Variants in RUSC2 observed in about 807,000 individuals in gnomAD.
RUSC2 encodes the protein RUN and SH3 domain containing 2.
RUSC2 carries 34 observed loss-of-function variants against 122.2 expected under a neutral mutation model. The observed-to-expected ratio is 0.28, with a 90% confidence interval of 0.21 to 0.37. The LOEUF (loss-of-function observed/expected upper bound fraction) is 0.37, where lower values mean the gene tolerates loss of function less well. Among genes scored for constraint, RUSC2 ranks in the 10% least tolerant of loss-of-function variants. The pLI is 1.00. For synonymous variants in RUSC2, 784 were observed against 790.0 expected, an observed-to-expected ratio of 0.99 and a Z score of 0.13; for missense variants, 1,747 against 1,952.4, an observed-to-expected ratio of 0.89 and a Z score of 1.98.
intron 2 of RUSC2, 74 bp from the exon 3 acceptor site, chr9:35,554,986 C>A: frequency 6.4e-7 from 1 of 1,566,162 alleles, no homozygotes; most frequent in Non-Finnish European, 8.7e-7. Flanking sequence ...CCTCTCCCAT[C>A]TCTGCTTCTG....
intron 2 of RUSC2, among the ~76,000 whole-genome samples, chr9:35,549,925 AATTGGGCTGG>A: frequency 6.6e-6 from 1 of 150,638 alleles, no homozygotes; most frequent in East Asian, 1.9e-4. Flanking sequence ...AAAAAAAAGT[AATTGGGCTGG>A]GCACAGTGGC....
Position 35,547,789 on chromosome 9 carries a change from A to C in RUSC2, c.1268A>C (p.Glu423Ala), listed in dbSNP as rs3750428. 6 of 1,614,072 alleles carry C rather than the reference A, an allele frequency of 3.7e-6. No individual in the cohort carries two copies. The East Asian group carries it at 8.9e-5, about 24-fold the overall frequency. ...AGSSITSCSE[E>A]HTKISPPPGP... ...TCTTCCATCACTAGCTGCTCTGAGG[A>C]ACACACCAAGATAAGTCCCCCACCA... Residue 423 changes from glutamate to alanine, a missense_variant, in exon 2 of 12, where the codon GAA (glutamate) becomes GCA (alanine). Transcript: ENST00000361226. The surrounding 1 kb of genome is among the most constrained non-coding windows in gnomAD (Gnocchi z 4.6).
intron 1 of RUSC2, among the ~76,000 whole-genome samples, chr9:35,503,966 G>A (rs1022871187): frequency 9.2e-5 from 14 of 152,044 alleles, no homozygotes; most frequent in African/African-American, 2.9e-4. Flanking sequence ...GTAGAGACAG[G>A]GTTTTACCAT....
intron 1 of RUSC2, among the ~76,000 whole-genome samples, chr9:35,529,299 A>C (rs548564389): frequency 6.6e-6 from 1 of 152,130 alleles, no homozygotes; most frequent in Non-Finnish European, 1.5e-5. Flanking sequence ...TGCCATGAGG[A>C]GTGCTGGGAA....
At position 35,557,669 on chromosome 9, in the gene RUSC2, A is replaced by G. The variant is rs543901895; in HGVS notation, c.2984-245A>G. Among the ~76,000 whole-genome samples the G allele has an allele frequency of 6.6e-5, 10 of 152,312 alleles. No individual in the cohort carries two copies. Among genetic ancestry groups the G allele is most frequent in the African/African-American group, 2.2e-4 (9 of 41,564 alleles). ...GGAATAAGGGCTGAGAGGTAAGGAC[A>G]TTGAGAGGCTTGACAGTGGCATCAC... On this transcript the variant is annotated intron_variant, in intron 5 of 11. Transcript: ENST00000361226. The surrounding 1 kb of genome is among the most constrained non-coding windows in gnomAD (Gnocchi z 4.6).
intron 1 of RUSC2, among the ~76,000 whole-genome samples, chr9:35,518,427 A>G (rs998314202): frequency 1.3e-5 from 2 of 152,056 alleles, no homozygotes; most frequent in African/African-American, 2.4e-5. Context: ...GTCTACATCT[A>G]TTTACATCAG....
intron 1 of RUSC2, among the ~76,000 whole-genome samples, chr9:35,512,557 G>A (rs147921763): frequency 0.015 from 2,349 of 152,232 alleles, 75 homozygotes; most frequent in Admixed American, 0.074. Context: ...TGTTTCATGA[G>A]GTCCAGGCTT....
At chr9:35,524,709 C>T (rs553220386) in intron 1 of RUSC2, among the ~76,000 whole-genome samples, 2 of 152,028 alleles carry the variant, frequency 1.3e-5, no homozygotes, top group African/African-American at 2.4e-5. Context: ...CAGTGGCTCA[C>T]GCCTGTAATC....
chr9:35,535,693 C>T (rs1418803029), intron 1 of RUSC2, among the ~76,000 whole-genome samples: 2 of 151,994 alleles, frequency 1.3e-5, no homozygotes, highest in East Asian at 1.9e-4. Flanking sequence ...CGTCCACCAC[C>T]ACGCCCGGCT....
At chr9:35,496,082 G>T (rs1783727135) in intron 1 of RUSC2, among the ~76,000 whole-genome samples, 1 of 152,142 alleles carries the variant, frequency 6.6e-6, no homozygotes, top group Non-Finnish European at 1.5e-5. Flanking sequence ...AGTAACCAGA[G>T]AAACTCTCGA....
At chr9:35,552,112 G>A (rs1055665024) in intron 2 of RUSC2, among the ~76,000 whole-genome samples, 2 of 152,162 alleles carry the variant, frequency 1.3e-5, no homozygotes, top group African/African-American at 4.8e-5. Flanking sequence ...TGTAATCCCA[G>A]CACTTTGGGA....
intron 1 of RUSC2, among the ~76,000 whole-genome samples, chr9:35,543,408 T>A (rs1041384218): frequency 6.6e-6 from 1 of 151,912 alleles, no homozygotes; most frequent in Non-Finnish European, 1.5e-5. Flanking sequence ...GGTGATAGAG[T>A]GAGAACCTGT....
chr9:35,520,402 C>A (rs1246850909), intron 1 of RUSC2, among the ~76,000 whole-genome samples: 4 of 152,214 alleles, frequency 2.6e-5, no homozygotes, highest in African/African-American at 9.7e-5. Flanking sequence ...AGGCTTCCCC[C>A]ACCCCTCTCT....
chr9:35,502,309 C>A (rs999644352), intron 1 of RUSC2, among the ~76,000 whole-genome samples: 2 of 152,104 alleles, frequency 1.3e-5, no homozygotes, highest in African/African-American at 2.4e-5. Flanking sequence ...TAAGAAAAAG[C>A]CCTGGTGCAC....
At chr9:35,527,044 G>T (rs1821337988) in intron 1 of RUSC2, among the ~76,000 whole-genome samples, 1 of 150,934 alleles carries the variant, frequency 6.6e-6, no homozygotes. Context: ...GTTTTTTTGT[G>T]CTGTTTCTAT....
At chr9:35,506,924 T>C (rs1165648720) in intron 1 of RUSC2, among the ~76,000 whole-genome samples, 2 of 152,166 alleles carry the variant, frequency 1.3e-5, no homozygotes, top group African/African-American at 4.8e-5. Flanking sequence ...GAGACTAGCC[T>C]GAGCAACATA....
At chr9:35,539,388 A>G (rs1564259252) in intron 1 of RUSC2, among the ~76,000 whole-genome samples, 1 of 151,840 alleles carries the variant, frequency 6.6e-6, no homozygotes, top group South Asian at 2.1e-4. Flanking sequence ...CTTTTTGGGC[A>G]TTTCTAATGA....
intron 1 of RUSC2, among the ~76,000 whole-genome samples, chr9:35,537,280 G>GTAA (rs1338821404): frequency 6.6e-6 from 1 of 152,174 alleles, no homozygotes; most frequent in African/African-American, 2.4e-5. Flanking sequence ...AGCTCTCATG[G>GTAA]TAAGAGGCTC....
At chr9:35,525,108 C>CT (rs1206320563) in intron 1 of RUSC2, among the ~76,000 whole-genome samples, 1 of 152,098 alleles carries the variant, frequency 6.6e-6, no homozygotes, top group Non-Finnish European at 1.5e-5. Flanking sequence ...ACAGGCTGGC[C>CT]TTTTTTTGTG....
Sources: allele counts gnomAD v4.1 joint callset (sites outside exome capture counted in the v4.1 genomes callset), GRCh38; gene constraint gnomAD v4.1.1; non-coding constraint Gnocchi (gnomAD v3.1); transcripts MANE v1.5; gene names NCBI Gene and HGNC (gene_info 2026-07-23, HGNC 2026-07-21).